Variants in NPAS3 observed in about 807,000 individuals in gnomAD.
NPAS3 encodes the protein neuronal PAS domain-containing protein 3.
A neutral mutation model predicts 73.1 loss-of-function variants in NPAS3; 14 were observed. That is an observed-to-expected ratio of 0.19 (90% CI 0.13 to 0.30). The LOEUF is 0.30. NPAS3 is among the 10% of genes least tolerant of loss of function. The pLI is 1.00. For missense variants in NPAS3, 1,096 were observed against 1,250.0 expected (o/e 0.88, Z 1.86); for synonymous variants, 620 against 541.5 (o/e 1.14, Z -2.01).
chr14:33,207,289 A>G (rs1391127827), intron 2 of NPAS3, among the ~76,000 whole-genome samples: 3 of 147,076 alleles, frequency 2.0e-5, no homozygotes, highest in Non-Finnish European at 4.5e-5. Context: ...ACACACACAC[A>G]CAGTTGTGGC....
At chr14:33,411,278 G>A (rs2047914489) in intron 4 of NPAS3, among the ~76,000 whole-genome samples, 1 of 152,148 alleles carries the variant, frequency 6.6e-6, no homozygotes, top group Admixed American at 6.5e-5. Context: ...AACCTCCTGG[G>A]TTCAAGCGAT....
chr14:33,790,235 C>T (rs1433215066), intron 9 of NPAS3, among the ~76,000 whole-genome samples: 1 of 152,182 alleles, frequency 6.6e-6, no homozygotes, highest in Admixed American at 6.5e-5. Context: ...TATCAAGTAA[C>T]TCACGTGGTG....
At position 33,785,622 on chromosome 14, in the gene NPAS3, CT is replaced by C. The variant is rs751492981; in HGVS notation, c.1153+7057del. 7.2e-5 allele frequency among the ~76,000 whole-genome samples: 11 copies of C among 152,108 alleles called. No individual in the cohort carries two copies. In the East Asian group the frequency reaches 1.9e-3, roughly 27 times the overall value. ...CTCACATATCTCAAAAAACATCAAA[CT>C]TTTTTTAACTTAAATGAGTGGCATA... On this transcript the variant is annotated intron_variant, in intron 9 of 11. Transcript: ENST00000356141.
At position 33,172,592 on chromosome 14, in the gene NPAS3, C is replaced by T. The variant is rs139348472; in HGVS notation, c.141-42590C>T. ...CTCTACAAAAAATAAAAAAATTAGC[C>T]GGGTGTGGTGGTCCATGCCTGCAAT... On this transcript the variant is annotated intron_variant, in intron 2 of 11. Transcript: ENST00000356141. Among the ~76,000 whole-genome samples the T allele has an allele frequency of 2.5e-3, 379 of 151,982 alleles. 2 individuals carry two copies. The highest frequency in any genetic ancestry group is 8.9e-3 in the African/African-American group (369 of 41,458).
intron 4 of NPAS3, among the ~76,000 whole-genome samples, chr14:33,411,258 G>A (rs1229516023): frequency 3.3e-5 from 5 of 152,076 alleles, no homozygotes; most frequent in African/African-American, 1.2e-4. Flanking sequence ...GCACAATCTC[G>A]GCTCACTGCA....
chr14:33,294,313 T>G (rs2042211892), intron 3 of NPAS3, among the ~76,000 whole-genome samples: 1 of 152,210 alleles, frequency 6.6e-6, no homozygotes, highest in Non-Finnish European at 1.5e-5. Context: ...CAGACATATT[T>G]ACCTTTTTCT....
chr14:33,014,183 A>G (rs2039312980), intron 1 of NPAS3, among the ~76,000 whole-genome samples: 1 of 152,170 alleles, frequency 6.6e-6, no homozygotes, highest in East Asian at 1.9e-4. Context: ...TTTTTAGCTA[A>G]TATTAAAATG....
intron 2 of NPAS3, among the ~76,000 whole-genome samples, chr14:33,211,418 G>T (rs1566681779): frequency 6.6e-6 from 1 of 152,270 alleles, no homozygotes; most frequent in East Asian, 1.9e-4. Flanking sequence ...GCTGAGCACG[G>T]TGGTGCATGC....
intron 2 of NPAS3, among the ~76,000 whole-genome samples, chr14:33,178,237 G>A (rs1013145517): frequency 6.6e-6 from 1 of 151,868 alleles, no homozygotes; most frequent in African/African-American, 2.4e-5. Flanking sequence ...ACCACACCCA[G>A]CAAATTTTTG....
At chr14:33,125,522 A>C (rs574580884) in intron 2 of NPAS3, among the ~76,000 whole-genome samples, 1 of 152,288 alleles carries the variant, frequency 6.6e-6, no homozygotes, top group East Asian at 1.9e-4. Flanking sequence ...CTGTGAGCAA[A>C]GGCAGAGTAT....
chr14:33,786,488 C>T (rs931316942), intron 9 of NPAS3, among the ~76,000 whole-genome samples: 1 of 152,182 alleles, frequency 6.6e-6, no homozygotes, highest in African/African-American at 2.4e-5. Flanking sequence ...CCACATCATC[C>T]CTTTTGTCTG....
intron 5 of NPAS3, among the ~76,000 whole-genome samples, chr14:33,590,412 G>A (rs2057021812): frequency 1.3e-5 from 2 of 152,176 alleles, no homozygotes; most frequent in South Asian, 4.2e-4. Flanking sequence ...GAGGATTTTT[G>A]ACATGTGAAC....
At chr14:33,351,584 C>T (rs554883328) in intron 3 of NPAS3, among the ~76,000 whole-genome samples, 16 of 152,270 alleles carry the variant, frequency 1.1e-4, no homozygotes, top group African/African-American at 1.4e-4. Context: ...CATGCATATA[C>T]GTGTATGTAC....
chr14:33,467,040 G>C (rs989993375), intron 4 of NPAS3, among the ~76,000 whole-genome samples: 2 of 152,190 alleles, frequency 1.3e-5, no homozygotes, highest in Non-Finnish European at 2.9e-5. Context: ...TACTAAATCT[G>C]TCTGTGAGTG....
intron 9 of NPAS3, among the ~76,000 whole-genome samples, chr14:33,782,532 C>A (rs2063009298): frequency 6.6e-6 from 1 of 152,184 alleles, no homozygotes; most frequent in Non-Finnish European, 1.5e-5. Flanking sequence ...TGGGTCCAAT[C>A]AGCAACAACT....
chr14:33,018,804 C>A (rs28643414), intron 1 of NPAS3, among the ~76,000 whole-genome samples: 12,657 of 152,120 alleles, frequency 0.083, 1,069 homozygotes, highest in African/African-American at 0.2. Flanking sequence ...GACATTTCTT[C>A]CCTTATTGAA....
intron 3 of NPAS3, among the ~76,000 whole-genome samples, chr14:33,292,408 T>A (rs1250797065): frequency 6.6e-6 from 1 of 152,200 alleles, no homozygotes; most frequent in Admixed American, 6.5e-5. Flanking sequence ...CTCCCTTCAG[T>A]TGGCAGGTCT....
At chr14:33,577,124 C>G (rs961797249) in intron 5 of NPAS3, among the ~76,000 whole-genome samples, 11 of 152,152 alleles carry the variant, frequency 7.2e-5, no homozygotes, top group South Asian at 2.1e-4. Context: ...TCAAATCTAA[C>G]CTAACACCAA....
intron 7 of NPAS3, among the ~76,000 whole-genome samples, chr14:33,769,168 T>C (rs1484433363): frequency 6.6e-6 from 1 of 152,212 alleles, no homozygotes; most frequent in Non-Finnish European, 1.5e-5. Flanking sequence ...TTATGTATGT[T>C]TTCTCCTTTG....
Sources: allele counts gnomAD v4.1 joint callset (sites outside exome capture counted in the v4.1 genomes callset), GRCh38; gene constraint gnomAD v4.1.1; transcripts MANE v1.5; gene names NCBI Gene and HGNC (gene_info 2026-07-23, HGNC 2026-07-21).